The following SRPK2 variants were observed in gnomAD, a reference collection of about 807,000 sequenced individuals.
The protein encoded by SRPK2 is SRSF protein kinase 2, also known as SFRS protein kinase 2.
A neutral mutation model predicts 90.8 loss-of-function variants in SRPK2; 21 were observed. That is an observed-to-expected ratio of 0.23 (90% CI 0.16 to 0.33). The LOEUF (loss-of-function observed/expected upper bound fraction) is 0.33. SRPK2 is among the 10% of genes least tolerant of loss of function. SRPK2 has a pLI of 1.00. For synonymous variants in SRPK2, 288 were observed against 311.1 expected (o/e 0.93, Z 0.78); for missense variants, 620 against 869.0 (o/e 0.71, Z 3.60).
chr7:105,181,748 AG>A (rs1263232708), intron 3 of SRPK2, among the ~76,000 whole-genome samples: 1 of 152,112 alleles, frequency 6.6e-6, no homozygotes, highest in Non-Finnish European at 1.5e-5. Context: ...AGAGAGAATT[AG>A]AAAAAACATC....
chr7:105,149,245 A>G (rs1208147258), intron 7 of SRPK2, among the ~76,000 whole-genome samples: 3 of 152,196 alleles, frequency 2.0e-5, no homozygotes, highest in South Asian at 2.1e-4. Context: ...AAACCGCCCT[A>G]TGGTGGGAGG....
chr7:105,370,623 T>TC (rs918641308), intron 2 of SRPK2, among the ~76,000 whole-genome samples: 5 of 149,184 alleles, frequency 3.4e-5, no homozygotes, highest in African/African-American at 1.2e-4. Flanking sequence ...TTTCTTTTTT[T>TC]TTTTTTTTTT....
intron 1 of SRPK2, among the ~76,000 whole-genome samples, chr7:105,397,603 C>G (rs1227620351): frequency 6.6e-6 from 1 of 151,620 alleles, no homozygotes; most frequent in East Asian, 1.9e-4. Flanking sequence ...GCTGGGATTA[C>G]AGGCATGAGC....
chr7:105,331,308 CAAAAAAAAAAA>C lies in SRPK2; in HGVS notation c.71+57329_71+57339del, dbSNP rs57653042. Among the ~76,000 whole-genome samples the C allele has an allele frequency of 6.5e-3, 295 of 45,090 alleles. 3 individuals carry two copies. Among genetic ancestry groups the C allele is most frequent in the Middle Eastern group, 0.028 (1 of 36 alleles). The allele number at this position is 45,090 out of a possible 152,430, so 29.6% of individuals were successfully genotyped here. A position where few individuals can be genotyped will look rare whatever the true frequency, so the allele number is the denominator to read the frequency against. ...TGGGCGACAGAGCGAGACTCCGTCT[CAAAAAAAAAAA>C]AAAAAAAAAAAAAAAAAACAAATAG... On this transcript the variant is annotated intron_variant, in intron 2 of 15. Transcript: ENST00000393651.
intron 2 of SRPK2, among the ~76,000 whole-genome samples, chr7:105,360,817 G>T (rs1194363230): frequency 2.0e-5 from 3 of 152,036 alleles, no homozygotes; most frequent in African/African-American, 2.4e-5. Flanking sequence ...GGTATTGACA[G>T]AACGTATCTC....
chr7:105,147,548 A>G (rs1486400102), intron 7 of SRPK2, among the ~76,000 whole-genome samples: 1 of 151,990 alleles, frequency 6.6e-6, no homozygotes, highest in Admixed American at 6.6e-5. Flanking sequence ...CGAACTCCTG[A>G]CCTTGTGATC....
At chr7:105,191,885 T>A (rs1794331428) in intron 3 of SRPK2, among the ~76,000 whole-genome samples, 1 of 151,658 alleles carries the variant, frequency 6.6e-6, no homozygotes, top group African/African-American at 2.4e-5. Context: ...AAAAAAACTT[T>A]TTTTTTTTTA....
intron 15 of SRPK2, 25 bp downstream of exon 15, chr7:105,126,223 G>A (rs761266253): frequency 1.3e-5 from 20 of 1,551,214 alleles, no homozygotes; most frequent in Middle Eastern, 1.7e-4. Flanking sequence ...GCATCGTGGC[G>A]CTTTTCAAAA....
At chr7:105,263,025 G>GC (rs1804528882) in intron 2 of SRPK2, among the ~76,000 whole-genome samples, 11 of 152,236 alleles carry the variant, frequency 7.2e-5, no homozygotes, top group Middle Eastern at 6.8e-3. Context: ...CAAAAGACAT[G>GC]TATGGAAATG....
At chr7:105,204,726 A>G in intron 2 of SRPK2, 3 of 722,354 alleles carry the variant, frequency 4.2e-6, no homozygotes, top group South Asian at 1.4e-5. Flanking sequence ...CTTGACAAAC[A>G]TATTGTGGTC....
At chr7:105,180,682 C>A (rs532040113) in intron 3 of SRPK2, among the ~76,000 whole-genome samples, 1 of 152,232 alleles carries the variant, frequency 6.6e-6, no homozygotes, top group East Asian at 1.9e-4. Context: ...CACTTTAACC[C>A]GGGAGATGAA....
At chr7:105,147,015 C>T (rs958973892) in intron 7 of SRPK2, among the ~76,000 whole-genome samples, 1 of 152,168 alleles carries the variant, frequency 6.6e-6, no homozygotes, top group African/African-American at 2.4e-5. Flanking sequence ...CTACTCAACG[C>T]GAAGATAATG....
intron 2 of SRPK2, among the ~76,000 whole-genome samples, chr7:105,348,928 C>T (rs1320543383): frequency 3.4e-5 from 5 of 147,984 alleles, no homozygotes; most frequent in Middle Eastern, 4.2e-3. Context: ...GGCAGATCAC[C>T]TGAGGTTAGG....
At chr7:105,219,150 A>G (rs971731782) in intron 2 of SRPK2, among the ~76,000 whole-genome samples, 15 of 152,090 alleles carry the variant, frequency 9.9e-5, no homozygotes, top group African/African-American at 3.1e-4. Flanking sequence ...GTCGGCGCAT[A>G]CTTCCCACAC....
At chr7:105,242,629 T>C (rs988538195) in intron 2 of SRPK2, among the ~76,000 whole-genome samples, 2 of 152,234 alleles carry the variant, frequency 1.3e-5, no homozygotes, top group Non-Finnish European at 2.9e-5. Context: ...AAGGACCTAC[T>C]CAGAGGCAGG....
chr7:105,370,094 C>G (rs1819530475), intron 2 of SRPK2, among the ~76,000 whole-genome samples: 1 of 152,104 alleles, frequency 6.6e-6, no homozygotes, highest in Non-Finnish European at 1.5e-5. Flanking sequence ...CAGTGGCAAC[C>G]TTTGTACCCT....
chr7:105,156,732 G>C (rs1480968546), intron 7 of SRPK2, among the ~76,000 whole-genome samples: 3 of 152,082 alleles, frequency 2.0e-5, no homozygotes, highest in African/African-American at 4.8e-5. Context: ...TTGAACTCCT[G>C]GTCTCAAGAA....
At chr7:105,310,100 C>T (rs1040961111) in intron 2 of SRPK2, among the ~76,000 whole-genome samples, 17 of 152,216 alleles carry the variant, frequency 1.1e-4, no homozygotes, top group African/African-American at 3.9e-4. Context: ...AACACAGAGG[C>T]GCCAGGCTGC....
At chr7:105,205,515 T>TCACACA (rs1426772972) in intron 2 of SRPK2, among the ~76,000 whole-genome samples, 6 of 111,820 alleles carry the variant, frequency 5.4e-5, no homozygotes, top group Non-Finnish European at 8.8e-5. Context: ...TCTCTCTCTC[T>TCACACA]CTCACACACA....
Sources: gnomAD v4.1 joint callset for allele counts (sites outside exome capture counted in the v4.1 genomes callset) on GRCh38, gnomAD v4.1.1 for gene constraint, MANE v1.5 for transcripts, NCBI Gene and HGNC (gene_info 2026-07-23, HGNC 2026-07-21) for gene names.